SIK3: variants seen among roughly 807,000 people sequenced by gnomAD.
SIK3 encodes the protein SIK family kinase 3.
In SIK3, 28 loss-of-function variants were observed where a neutral mutation model predicts 144.2. The ratio of observed to expected loss-of-function variants is 0.19; its 90% CI spans 0.14 to 0.27. The LOEUF is 0.27. Ranked by LOEUF, SIK3 falls within the 10% of genes least tolerant of loss-of-function variation. The probability of loss-of-function intolerance (pLI) is 1.00; values close to 1 mark genes in which losing one functional copy is unlikely to be tolerated. For synonymous variants in SIK3, 686 were observed against 676.3 expected, an observed-to-expected ratio of 1.01 and a Z score of -0.22; for missense variants, 1,319 against 1,776.0, an observed-to-expected ratio of 0.74 and a Z score of 4.62.
intron 3 of SIK3, among the ~76,000 whole-genome samples, chr11:116,953,201 G>A (rs1049029888): frequency 4.6e-5 from 7 of 152,094 alleles, no homozygotes; most frequent in East Asian, 1.9e-4. Context: ...ACATTTTATC[G>A]TGCAGGAAGG....
At chr11:117,090,233 C>T (rs1403206036) in intron 1 of SIK3, among the ~76,000 whole-genome samples, 1 of 151,970 alleles carries the variant, frequency 6.6e-6, no homozygotes, top group Non-Finnish European at 1.5e-5. Flanking sequence ...CATTATTATC[C>T]CAGAAAGGGA....
At chr11:117,045,638 G>A (rs1282785494) in intron 1 of SIK3, among the ~76,000 whole-genome samples, 1 of 152,172 alleles carries the variant, frequency 6.6e-6, no homozygotes, top group East Asian at 1.9e-4. Flanking sequence ...ATTCTCAAAA[G>A]TAGAGGAAAT....
At position 116,876,244 on chromosome 11, in the gene SIK3, C is replaced by G. The variant is rs771448173; in HGVS notation, c.1095+9G>C. The G allele has an allele frequency of 6.2e-7, 1 of 1,611,158 alleles. No homozygotes were observed. Among genetic ancestry groups the G allele is most frequent in the African/African-American group, 1.3e-5 (1 of 74,828 alleles). On this transcript the variant is annotated intron_variant, in intron 8 of 24. Transcript: ENST00000445177. ...CATCCCACTTTGTTCTCCACTCCTTCGGAGATACCTGCAGTGTCTGTTCTT... is the reference window on the plus strand; with the variant it reads ...CATCCCACTTTGTTCTCCACTCCTTGGGAGATACCTGCAGTGTCTGTTCTT...
chr11:117,005,055 C>T (rs1480385780), intron 1 of SIK3, among the ~76,000 whole-genome samples: 11 of 152,086 alleles, frequency 7.2e-5, no homozygotes, highest in Non-Finnish European at 8.8e-5. Context: ...TCTCCTAATC[C>T]AGTGTTTTTC....
intron 3 of SIK3, among the ~76,000 whole-genome samples, chr11:116,941,479 T>C (rs1948303559): frequency 6.6e-6 from 1 of 151,456 alleles, no homozygotes; most frequent in Non-Finnish European, 1.5e-5. Flanking sequence ...ATTCTTGAAC[T>C]TCCAGGCAGT....
rs572682143 is a variant in SIK3, at chr11:117,089,552, T to TTGGA, written c.273+8587_273+8590dup. ...TATTTCTGATAATTTTGCACGTTTA[T>TTGGA]TGGATGGATGGATGGAATAAAAAAT... On this transcript the variant is annotated intron_variant, in intron 1 of 24. Coordinates refer to ENST00000445177, the MANE Select transcript of SIK3 (RefSeq NM_001366686.3). 1.1e-3 allele frequency among the ~76,000 whole-genome samples: 174 copies of TTGGA among 152,306 alleles called. 3 individuals carry two copies. The South Asian group carries it at 0.033, about 29-fold the overall frequency.
At chr11:117,089,127 C>T (rs889417324) in intron 1 of SIK3, among the ~76,000 whole-genome samples, 2 of 151,582 alleles carry the variant, frequency 1.3e-5, no homozygotes, top group Admixed American at 6.6e-5. Flanking sequence ...AGAAGCTGGC[C>T]GGGCGCGGTG....
At chr11:116,992,315 AC>A (rs201865103) in intron 1 of SIK3, among the ~76,000 whole-genome samples, 22,068 of 117,594 alleles carry the variant, frequency 0.19, 2,115 homozygotes, top group South Asian at 0.3. Context: ...ACAGAGCAAG[AC>A]CCCCCCCCCC....
chr11:116,894,470 A>T (rs890865309), intron 6 of SIK3, among the ~76,000 whole-genome samples: 1 of 152,200 alleles, frequency 6.6e-6, no homozygotes, highest in Non-Finnish European at 1.5e-5. Flanking sequence ...AGTCATCCCC[A>T]TCTCAGTTGG....
chr11:116,875,226 C>T lies in SIK3; in HGVS notation c.1359G>A (p.Glu453=), dbSNP rs751269426. The T allele has an allele frequency of 4.3e-6, 7 of 1,614,066 alleles. No homozygotes were observed. Among genetic ancestry groups the T allele is most frequent in the Middle Eastern group, 1.6e-4 (1 of 6,084 alleles). Reference sequence around the variant, plus strand: ...AGCGCACCAATGCTTCAGGGGAAGGCTCTTCACCCTCATCACTGTCCAAAT... The same window carrying T: ...AGCGCACCAATGCTTCAGGGGAAGGTTCTTCACCCTCATCACTGTCCAAAT... ...TLNLDSDEGE[E]PSPEALVRYL... is the part of the protein sequence containing the mutation. The change falls in exon 11 of 25, where the codon GAG becomes GAA. Residue 453 remains glutamate, a synonymous_variant. Transcript: ENST00000445177.
intron 1 of SIK3, among the ~76,000 whole-genome samples, chr11:117,062,137 C>A (rs1186352122): frequency 6.6e-6 from 1 of 151,806 alleles, no homozygotes; most frequent in East Asian, 1.9e-4. Context: ...CCAGCCTGGC[C>A]AACATGGTGA....
At chr11:116,881,536 T>A (rs991920795) in intron 6 of SIK3, among the ~76,000 whole-genome samples, 3 of 152,012 alleles carry the variant, frequency 2.0e-5, no homozygotes, top group Non-Finnish European at 4.4e-5. Flanking sequence ...GAAAGCAACA[T>A]TTTTTTTCTT....
At chr11:117,062,904 G>A (rs538673837) in intron 1 of SIK3, among the ~76,000 whole-genome samples, 2 of 152,058 alleles carry the variant, frequency 1.3e-5, no homozygotes, top group Non-Finnish European at 2.9e-5. Context: ...CAGACAGCAT[G>A]GAAAAAAACA....
chr11:116,927,400 A>C lies in SIK3; in HGVS notation c.455-20T>G. 6.2e-7 allele frequency: 1 copy of C among 1,606,950 alleles called. No homozygotes were observed. The highest frequency in any genetic ancestry group is 8.5e-7 in the Non-Finnish European group (1 of 1,176,352). ...GGTGGTCTGTGTTGAAGAAGAATAC[A>C]GTCAGTTTTCATTTTGGACACTTGT... On this transcript the variant is annotated intron_variant, in intron 3 of 24. Transcript: ENST00000445177.
intron 1 of SIK3, among the ~76,000 whole-genome samples, chr11:117,097,672 C>A (rs112492825): frequency 0.024 from 3,685 of 152,126 alleles, 162 homozygotes; most frequent in African/African-American, 0.084. Context: ...AGTCCGTGCC[C>A]CAGCCGTCCT....
At position 117,002,767 on chromosome 11, in the gene SIK3, G is replaced by A. The variant is rs1156790116; in HGVS notation, c.274-45703C>T. On this transcript the variant is annotated intron_variant, in intron 1 of 24. Coordinates refer to ENST00000445177, the MANE Select transcript of SIK3 (RefSeq NM_001366686.3). ...GTTCTTTTATAGAGAACATGTAGGA[G>A]GAAGGCTTGTCATCTGACAATATCT... 2.0e-5 allele frequency among the ~76,000 whole-genome samples: 3 copies of A among 152,328 alleles called. No homozygotes were observed. In the East Asian group the frequency reaches 5.8e-4, roughly 29 times the overall value.
chr11:117,092,335 T>A (rs1955284370), intron 1 of SIK3, among the ~76,000 whole-genome samples: 1 of 152,080 alleles, frequency 6.6e-6, no homozygotes, highest in South Asian at 2.1e-4. Flanking sequence ...TGCCATTCCT[T>A]CTGTAAGGAA....
In SIK3 at chr11:116,894,931, A is replaced by G. The variant is rs931684059; in HGVS notation, c.865+1322T>C. The stretch of plus-strand genomic sequence containing the variant: ...TTAGCCTACCGGCAACATAGCAGCC[A>G]AAGTGATCTTTTTTAAACAAAAGTC... On this transcript the variant is annotated intron_variant, in intron 6 of 24. Transcript: ENST00000445177. Among the ~76,000 whole-genome samples the G allele has an allele frequency of 7.9e-5, 12 of 152,232 alleles. No homozygotes were observed. The East Asian group carries it at 2.3e-3, about 29-fold the overall frequency.
intron 1 of SIK3, among the ~76,000 whole-genome samples, chr11:117,069,182 TTTGGG>T (rs770508388): frequency 0.048 from 4,336 of 89,964 alleles, 115 homozygotes; most frequent in Non-Finnish European, 0.065. Context: ...AAGATTTTTT[TTTGGG>T]GGGGGGGGGG....
Sources: gnomAD v4.1 joint callset for allele counts (sites outside exome capture counted in the v4.1 genomes callset) on GRCh38, gnomAD v4.1.1 for gene constraint, MANE v1.5 for transcripts, NCBI Gene and HGNC (gene_info 2026-07-23, HGNC 2026-07-21) for gene names.